Variants in S100Z observed in about 807,000 individuals in gnomAD.
S100Z encodes the protein protein S100-Z.
A neutral mutation model predicts 8.5 loss-of-function variants in S100Z; 11 were observed. The ratio of observed to expected loss-of-function variants is 1.30; its 90% CI spans 0.82 to 2.15. S100Z has a LOEUF of 2.15. Ranked by LOEUF, S100Z falls within the 30% of genes most tolerant of loss-of-function variation. The pLI is 0.00. For missense variants in S100Z, 126 were observed against 117.9 expected, an observed-to-expected ratio of 1.07 and a Z score of -0.32; for synonymous variants, 34 against 43.8, an observed-to-expected ratio of 0.78 and a Z score of 0.89.
At chr5:76,881,183 C>T (rs1743391536) in intron 4 of S100Z, among the ~76,000 whole-genome samples, 1 of 152,136 alleles carries the variant, frequency 6.6e-6, no homozygotes, top group African/African-American at 2.4e-5. Flanking sequence ...CCTGGAGCCA[C>T]TAAATACCAA....
At chr5:76,952,289 A>G in the S100Z span, among the ~76,000 whole-genome samples, 3 of 152,244 alleles carry the variant, frequency 2.0e-5, no homozygotes, top group African/African-American at 7.2e-5. Context: ...CTCATCTCTC[A>G]GTGGTTCAGA....
chr5:76,888,407 G>C (rs1743729244), intron 4 of S100Z, among the ~76,000 whole-genome samples: 1 of 87,356 alleles, frequency 1.1e-5, no homozygotes, highest in Admixed American at 2.0e-4. Context: ...ACAGAGTCTT[G>C]CTCTGTCACC....
At chr5:76,916,932 C>T (rs1744871296) in intron 4 of S100Z, among the ~76,000 whole-genome samples, 1 of 151,946 alleles carries the variant, frequency 6.6e-6, no homozygotes, top group South Asian at 2.1e-4. Context: ...TCGAGACCAG[C>T]CTGGCCAACA....
chr5:76,946,800 A>G, the S100Z span, among the ~76,000 whole-genome samples: 30 of 152,268 alleles, frequency 2.0e-4, no homozygotes, highest in East Asian at 5.4e-3. Flanking sequence ...TTCTTAGTAT[A>G]TATCACCATT....
the S100Z span, among the ~76,000 whole-genome samples, chr5:76,939,432 G>A: frequency 0.21 from 31,610 of 150,456 alleles, 3,596 homozygotes; most frequent in Middle Eastern, 0.37. Flanking sequence ...GATTACAGGC[G>A]TGAGCCACTG....
At position 76,892,598 on chromosome 5, in the gene S100Z, GT is replaced by G. The variant is rs201293442; in HGVS notation, c.*2+14767del. The stretch of plus-strand genomic sequence containing the variant: ...TGATCTGTGCTTTTTTCCAAAGAGG[GT>G]TTGGGGACTTCCATTTTTAAAGAGG... On this transcript the variant is annotated intron_variant, in intron 4 of 4. Transcript: ENST00000317593. Among the ~76,000 whole-genome samples, 13 of 152,128 alleles carry G rather than the reference GT, an allele frequency of 8.5e-5. No homozygotes were observed. In the East Asian group the frequency reaches 2.5e-3, roughly 29 times the overall value.
At chr5:76,906,976 GTATATATATATATATATATATATATA>G (rs869046562) in intron 4 of S100Z, among the ~76,000 whole-genome samples, 29 of 21,788 alleles carry the variant, frequency 1.3e-3, no homozygotes, top group Middle Eastern at 0.031. Flanking sequence ...TTGTGTGTGT[GTATATATATATATATATATATATATA>G]TATATATATA....
chr5:76,912,849 AGAG>A (rs1327515138), intron 4 of S100Z, among the ~76,000 whole-genome samples: 14 of 150,776 alleles, frequency 9.3e-5, no homozygotes, highest in African/African-American at 3.4e-4. Flanking sequence ...AGAAAGAGAG[AGAG>A]AGAGGAAGAG....
At chr5:76,888,696 G>A (rs1476609173) in intron 4 of S100Z, among the ~76,000 whole-genome samples, 2 of 152,016 alleles carry the variant, frequency 1.3e-5, no homozygotes, top group South Asian at 2.1e-4. Context: ...GATTACAGGC[G>A]TGAGCCACCG....
chr5:76,888,242 G>A (rs1293947061), intron 4 of S100Z, among the ~76,000 whole-genome samples: 7 of 145,846 alleles, frequency 4.8e-5, no homozygotes, highest in Admixed American at 4.1e-4. Context: ...GGGTGACAGA[G>A]CAAGACTCCA....
At chr5:76,951,844 A>G in the S100Z span, among the ~76,000 whole-genome samples, 2 of 152,170 alleles carry the variant, frequency 1.3e-5, no homozygotes, top group South Asian at 4.1e-4. Context: ...GATTAAACCA[A>G]CAAAGAGGCC....
chr5:76,939,185 C>T, the S100Z span, among the ~76,000 whole-genome samples: 1 of 149,030 alleles, frequency 6.7e-6, no homozygotes, highest in East Asian at 2.0e-4. Flanking sequence ...CAGAATCTCG[C>T]TCTGTCACCC....
At chr5:76,941,359 C>T in the S100Z span, among the ~76,000 whole-genome samples, 4 of 152,042 alleles carry the variant, frequency 2.6e-5, no homozygotes, top group African/African-American at 9.7e-5. Flanking sequence ...GTGAGTTTTT[C>T]CCATGCTGTT....
chr5:76,865,256 T>C (rs1751230332), intron 1 of S100Z, among the ~76,000 whole-genome samples: 1 of 150,492 alleles, frequency 6.6e-6, no homozygotes, highest in Non-Finnish European at 1.5e-5. Context: ...TTTTTTTTTT[T>C]TTTTTGAGAT....
intron 4 of S100Z, among the ~76,000 whole-genome samples, chr5:76,884,151 C>G (rs193002616): frequency 6.6e-6 from 1 of 152,182 alleles, no homozygotes; most frequent in Non-Finnish European, 1.5e-5. Flanking sequence ...CTTCTGGCCC[C>G]TCTGGGTCTA....
At chr5:76,943,023 ATTATAC>A in the S100Z span, among the ~76,000 whole-genome samples, 1 of 151,986 alleles carries the variant, frequency 6.6e-6, no homozygotes, top group African/African-American at 2.4e-5. Flanking sequence ...TTTTTTTATT[ATTATAC>A]TTTAAGTTTT....
chr5:76,868,127 C>T (rs560976548), intron 1 of S100Z, among the ~76,000 whole-genome samples: 288 of 152,262 alleles, frequency 1.9e-3, no homozygotes, highest in Non-Finnish European at 2.5e-3. Flanking sequence ...TCTTTTTGAG[C>T]CTTTTGACAT....
chr5:76,927,276 A>C, the S100Z span, among the ~76,000 whole-genome samples: 3 of 152,262 alleles, frequency 2.0e-5, no homozygotes, highest in East Asian at 5.8e-4. Flanking sequence ...TGCCCTCAGC[A>C]TCTGGCCCTA....
At chr5:76,859,467 C>A (rs760268436) in intron 1 of S100Z, among the ~76,000 whole-genome samples, 6 of 152,036 alleles carry the variant, frequency 3.9e-5, no homozygotes, top group Non-Finnish European at 7.4e-5. Flanking sequence ...CCCTCAGGAC[C>A]GCATCCAGCT....
Sources: gnomAD v4.1 joint callset for allele counts (sites outside exome capture counted in the v4.1 genomes callset) on GRCh38, gnomAD v4.1.1 for gene constraint, MANE v1.5 for transcripts, NCBI Gene and HGNC (gene_info 2026-07-23, HGNC 2026-07-21) for gene names.